The following TSPAN13 variants were observed in gnomAD, a reference collection of about 807,000 sequenced individuals.
TSPAN13 encodes tetraspanin-13.
Under a neutral mutation model 26.9 loss-of-function variants are expected in TSPAN13, and 18 were observed. The observed-to-expected ratio is 0.67, with a 90% CI of 0.46 to 0.99. The LOEUF (loss-of-function observed/expected upper bound fraction) is 0.99, where lower values mean the gene tolerates loss of function less well. Among genes scored for constraint, TSPAN13 ranks in the 50% least tolerant of loss-of-function variants. TSPAN13 has a pLI of 0.00. For missense variants in TSPAN13, 201 were observed against 249.6 expected, an observed-to-expected ratio of 0.81 and a Z score of 1.31; for synonymous variants, 116 against 98.4, an observed-to-expected ratio of 1.18 and a Z score of -1.06.
intron 1 of TSPAN13, among the ~76,000 whole-genome samples, chr7:16,764,455 G>C (rs555904200): frequency 2.9e-4 from 44 of 152,154 alleles, no homozygotes; most frequent in Middle Eastern, 3.4e-3. Flanking sequence ...ATTCCAAGTA[G>C]AATTTCTTGT....
intron 5 of TSPAN13, 29 bp downstream of exon 5, chr7:16,779,145 C>T (rs1784786838): frequency 1.3e-6 from 2 of 1,546,784 alleles, no homozygotes; most frequent in East Asian, 4.5e-5. Context: ...ATTTTTCCTC[C>T]TTTGTCACAG....
At chr7:16,763,108 C>T (rs182045845) in intron 1 of TSPAN13, among the ~76,000 whole-genome samples, 87 of 152,194 alleles carry the variant, frequency 5.7e-4, no homozygotes, top group Non-Finnish European at 9.1e-4. Context: ...AATTTAGTAA[C>T]GCTAAGGAGG....
At chr7:16,771,599 A>T (rs1403717600) in intron 1 of TSPAN13, among the ~76,000 whole-genome samples, 1 of 152,230 alleles carries the variant, frequency 6.6e-6, no homozygotes, top group South Asian at 2.1e-4. Context: ...AAGACAGAGG[A>T]AGGGGTTATA....
At chr7:16,770,141 A>G (rs1298577989) in intron 1 of TSPAN13, among the ~76,000 whole-genome samples, 3 of 151,068 alleles carry the variant, frequency 2.0e-5, no homozygotes, top group Admixed American at 1.3e-4. Context: ...TGGGTTTTTA[A>G]AATAGTTTTT....
intron 1 of TSPAN13, among the ~76,000 whole-genome samples, chr7:16,764,184 ATT>A (rs60512988): frequency 3.1e-4 from 45 of 144,342 alleles, no homozygotes; most frequent in African/African-American, 3.5e-4. Flanking sequence ...TGCCCAGCTA[ATT>A]TTTTTTTTTT....
chr7:16,777,836 T>C lies in TSPAN13; in HGVS notation c.351T>C (p.Ser117=). 1 of 1,613,980 alleles carries C rather than the reference T, an allele frequency of 6.2e-7. No homozygotes were observed. Among genetic ancestry groups the C allele is most frequent in the East Asian group, 2.2e-5 (1 of 44,864 alleles). ...LLEVGWNNTA[S]ARNDIQRNLN... is the part of the protein sequence containing the mutation. The stretch of plus-strand genomic sequence containing the variant: ...AGGTTGGTTGGAACAATACGGCAAG[T>C]GCTCGAAATGACATCCAGAGAAATC... The change falls in exon 4 of 6, where the codon AGT becomes AGC. Residue 117 remains serine, a synonymous_variant. Transcript: ENST00000262067.
intron 1 of TSPAN13, among the ~76,000 whole-genome samples, chr7:16,764,205 T>C (rs1241435648): frequency 6.6e-6 from 1 of 151,706 alleles, no homozygotes; most frequent in East Asian, 1.9e-4. Flanking sequence ...TTTTTTGTAT[T>C]TTTAGTAGAG....
At position 16,753,828 on chromosome 7, in the gene TSPAN13, C is replaced by T; in HGVS notation, c.-140C>T. 5 of 893,882 alleles carry T rather than the reference C, an allele frequency of 5.6e-6. No homozygotes were observed. The highest frequency in any genetic ancestry group is 8.8e-6 in the Non-Finnish European group (5 of 565,522). The allele number at this position is 893,882 out of a possible 1,614,324, so 55.4% of individuals were successfully genotyped here. A position where few individuals can be genotyped will look rare whatever the true frequency, so the allele number is the denominator to read the frequency against. On this transcript the variant is annotated 5_prime_UTR_variant, in exon 1 of 6. Coordinates refer to ENST00000262067, the MANE Select transcript of TSPAN13 (RefSeq NM_014399.4). ...GCCGCGCGCGCGCCGCGCACTGCAG[C>T]CCCAGGCCCCGGCCCCCCACCCACG...
chr7:16,778,311 G>A (rs949497412), intron 4 of TSPAN13, among the ~76,000 whole-genome samples: 1 of 152,190 alleles, frequency 6.6e-6, no homozygotes, highest in Non-Finnish European at 1.5e-5. Flanking sequence ...TCTCCTTGTA[G>A]GGGGTCTGTG....
chr7:16,761,690 A>ATTTTTTTTTTTT (rs35451307), intron 1 of TSPAN13, among the ~76,000 whole-genome samples: 3 of 93,322 alleles, frequency 3.2e-5, no homozygotes, highest in African/African-American at 4.2e-5. Context: ...CAGCTAATTA[A>ATTTTTTTTTTTT]TTTTTTTTTT....
chr7:16,776,302 T>C lies in TSPAN13; in HGVS notation c.155T>C (p.Val52Ala). The change falls in exon 2 of 6, where the codon GTG becomes GCG. Residue 52 changes from valine (V) to alanine (A), a missense_variant. Physicochemically the swap from Val to Ala is moderately conservative, Grantham distance 64. Coordinates refer to ENST00000262067, the MANE Select transcript of TSPAN13 (RefSeq NM_014399.4). ...SLRVVGVVIA[V>A]GIFLFLIALV... Reference sequence around the variant, plus strand: ...CGAGTGGTCGGCGTGGTCATTGCAGTGGGCATCTTCTTGTTCCTGATTGCT... The same window carrying C: ...CGAGTGGTCGGCGTGGTCATTGCAGCGGGCATCTTCTTGTTCCTGATTGCT... 6.2e-7 allele frequency: 1 copy of C among 1,614,194 alleles called. No homozygotes were observed. The highest frequency in any genetic ancestry group is 8.5e-7 in the Non-Finnish European group (1 of 1,180,026).
intron 1 of TSPAN13, among the ~76,000 whole-genome samples, chr7:16,769,920 T>C (rs1451869407): frequency 6.6e-6 from 1 of 152,156 alleles, no homozygotes; most frequent in Non-Finnish European, 1.5e-5. Flanking sequence ...GAGTGTGATT[T>C]TTGCTTTGGC....
At chr7:16,761,133 A>C (rs963287310) in intron 1 of TSPAN13, among the ~76,000 whole-genome samples, 1 of 152,174 alleles carries the variant, frequency 6.6e-6, no homozygotes. Flanking sequence ...CTTACTTTCA[A>C]TCACCTTTAT....
chr7:16,768,554 C>T (rs1235314528), intron 1 of TSPAN13, among the ~76,000 whole-genome samples: 2 of 152,178 alleles, frequency 1.3e-5, no homozygotes, highest in Non-Finnish European at 2.9e-5. Context: ...CTTTCTTAAA[C>T]AGAGTAAATG....
At chr7:16,766,286 G>C (rs1784602165) in intron 1 of TSPAN13, among the ~76,000 whole-genome samples, 1 of 152,176 alleles carries the variant, frequency 6.6e-6, no homozygotes, top group Non-Finnish European at 1.5e-5. Context: ...ACAAGTTTAT[G>C]ATGTACAGTT....
intron 1 of TSPAN13, among the ~76,000 whole-genome samples, chr7:16,754,931 A>G (rs1784465526): frequency 6.6e-6 from 1 of 152,206 alleles, no homozygotes; most frequent in Non-Finnish European, 1.5e-5. Flanking sequence ...ATGGGGCATT[A>G]TCTGCATTTT....
chr7:16,778,059 T>C (rs1429073934), intron 4 of TSPAN13, 148 bp downstream of exon 4: 6 of 628,924 alleles, frequency 9.5e-6, no homozygotes, highest in Non-Finnish European at 1.6e-5. Flanking sequence ...TCCTCTGTTA[T>C]ATCATTTGCC....
chr7:16,759,132 A>G (rs1160238951), intron 1 of TSPAN13, among the ~76,000 whole-genome samples: 1 of 152,162 alleles, frequency 6.6e-6, no homozygotes, highest in East Asian at 1.9e-4. Flanking sequence ...ATGTGGGAGG[A>G]TGGGTACACA....
chr7:16,779,205 C>G, intron 5 of TSPAN13, 89 bp downstream of exon 5: 1 of 932,536 alleles, frequency 1.1e-6, no homozygotes, highest in Non-Finnish European at 1.6e-6. Flanking sequence ...TATCAGTGAG[C>G]ATTTTCATTG....
Sources: gnomAD v4.1 joint callset for allele counts (sites outside exome capture counted in the v4.1 genomes callset) on GRCh38, gnomAD v4.1.1 for gene constraint, MANE v1.5 for transcripts, NCBI Gene and HGNC (gene_info 2026-07-23, HGNC 2026-07-21) for gene names.